Variants in GRIK4 observed in about 807,000 individuals in gnomAD.
GRIK4 encodes the protein glutamate ionotropic receptor kainate type subunit 4.
In GRIK4, 40 loss-of-function variants were observed where a neutral mutation model predicts 104.9. The observed-to-expected ratio is 0.38, with a 90% CI of 0.30 to 0.50. The LOEUF is 0.50. Ranked by LOEUF, GRIK4 falls within the 20% of genes least tolerant of loss-of-function variation. The pLI, the probability that GRIK4 is intolerant of heterozygous loss-of-function variation, is 0.93. For missense variants in GRIK4, 1,047 were observed against 1,308.1 expected (o/e 0.80, Z 3.08); for synonymous variants, 485 against 524.9 (o/e 0.92, Z 1.04).
At chr11:120,944,598 C>A (rs1943811634) in intron 14 of GRIK4, among the ~76,000 whole-genome samples, 1 of 152,180 alleles carries the variant, frequency 6.6e-6, no homozygotes, top group African/African-American at 2.4e-5. Context: ...ACTGGGTATC[C>A]CCACTTGTGC....
Position 120,700,161 on chromosome 11 carries a change from CTTAT to C in GRIK4, c.82+39765_82+39768del, listed in dbSNP as rs765390070. 5.9e-4 allele frequency among the ~76,000 whole-genome samples: 89 copies of C among 151,900 alleles called. 1 individual carries two copies. The highest frequency in any genetic ancestry group is 9.6e-4 in the Non-Finnish European group (65 of 67,996). The stretch of plus-strand genomic sequence containing the variant: ...GTGTGACAGGAGCTGCTAAAATCTA[CTTAT>C]TTAACAAAAACTCCTACTATAGTTA... On this transcript the variant is annotated intron_variant, in intron 3 of 20. Transcript: ENST00000527524.
At chr11:120,568,048 C>T (rs1011143894) in intron 1 of GRIK4, among the ~76,000 whole-genome samples, 1 of 152,102 alleles carries the variant, frequency 6.6e-6, no homozygotes, top group Non-Finnish European at 1.5e-5. Flanking sequence ...CATGGTGGTG[C>T]CTGCCTAAAA....
chr11:120,783,860 A>C (rs184162016), intron 3 of GRIK4, among the ~76,000 whole-genome samples: 10 of 152,304 alleles, frequency 6.6e-5, no homozygotes, highest in African/African-American at 2.4e-4. Context: ...AAAACGATGC[A>C]TAATATGGGT....
intron 1 of GRIK4, among the ~76,000 whole-genome samples, chr11:120,544,641 A>G (rs1948067859): frequency 6.6e-6 from 1 of 152,192 alleles, no homozygotes. Context: ...CAACCTGGAC[A>G]TTTCAGCACA....
intron 3 of GRIK4, among the ~76,000 whole-genome samples, chr11:120,719,969 A>G (rs980420162): frequency 7.9e-5 from 12 of 152,160 alleles, no homozygotes; most frequent in African/African-American, 2.9e-4. Context: ...CTAAAGATCA[A>G]TTCAAGAAAG....
At chr11:120,547,864 A>G (rs1948101108) in intron 1 of GRIK4, among the ~76,000 whole-genome samples, 1 of 152,206 alleles carries the variant, frequency 6.6e-6, no homozygotes, top group South Asian at 2.1e-4. Context: ...GAGCCCTGTT[A>G]GAGCTTTAAG....
At chr11:120,656,968 A>G (rs1463516948) in intron 2 of GRIK4, among the ~76,000 whole-genome samples, 1 of 152,184 alleles carries the variant, frequency 6.6e-6, no homozygotes. Context: ...AAATTTACAC[A>G]GGGTAATCTG....
intron 1 of GRIK4, among the ~76,000 whole-genome samples, chr11:120,571,589 A>G (rs934918759): frequency 3.3e-5 from 5 of 152,078 alleles, no homozygotes; most frequent in Admixed American, 6.5e-5. Context: ...CCCCCAAGCT[A>G]TGATTCTAAC....
intron 3 of GRIK4, among the ~76,000 whole-genome samples, chr11:120,751,873 G>A (rs1247704085): frequency 6.6e-6 from 1 of 152,122 alleles, no homozygotes; most frequent in Non-Finnish European, 1.5e-5. Context: ...GAAGGTTCCT[G>A]GATCTCCTTG....
At chr11:120,767,237 T>C (rs1218469859) in intron 3 of GRIK4, among the ~76,000 whole-genome samples, 5 of 152,206 alleles carry the variant, frequency 3.3e-5, no homozygotes, top group African/African-American at 1.2e-4. Context: ...TATTTGATAA[T>C]AGCCATTTTT....
intron 1 of GRIK4, among the ~76,000 whole-genome samples, chr11:120,514,812 C>T (rs1287344998): frequency 6.6e-6 from 1 of 152,186 alleles, no homozygotes. Flanking sequence ...GGCCTCAGCC[C>T]ACTCAGTTCT....
intron 3 of GRIK4, among the ~76,000 whole-genome samples, chr11:120,687,432 G>A (rs1052669110): frequency 5.9e-5 from 9 of 151,836 alleles, no homozygotes; most frequent in Non-Finnish European, 8.8e-5. Flanking sequence ...TCTATTTTTT[G>A]TATTTTCTTT....
chr11:120,587,713 A>G (rs999083421), intron 1 of GRIK4, among the ~76,000 whole-genome samples: 2 of 152,154 alleles, frequency 1.3e-5, no homozygotes, highest in Non-Finnish European at 2.9e-5. Context: ...GCCATGGCTC[A>G]GCCAGTGGTC....
chr11:120,942,611 C>A (rs1365046100), intron 14 of GRIK4, among the ~76,000 whole-genome samples: 1 of 152,184 alleles, frequency 6.6e-6, no homozygotes, highest in African/African-American at 2.4e-5. Flanking sequence ...ACCTAGGGCA[C>A]CACTGTCCTG....
At chr11:120,521,025 T>C (rs988147675) in intron 1 of GRIK4, among the ~76,000 whole-genome samples, 3 of 151,620 alleles carry the variant, frequency 2.0e-5, no homozygotes, top group Non-Finnish European at 4.4e-5. Context: ...AGGTGGGAGG[T>C]CAGCACAACT....
chr11:120,837,703 A>ACTG (rs1953610481), intron 8 of GRIK4, among the ~76,000 whole-genome samples: 1 of 151,376 alleles, frequency 6.6e-6, no homozygotes, highest in African/African-American at 2.4e-5. Flanking sequence ...TTAACCTAAC[A>ACTG]CTGCTGCTAT....
In GRIK4 at chr11:120,902,428, A is replaced by C. The variant is rs1942762194; in HGVS notation, c.1273-2862A>C. Among the ~76,000 whole-genome samples the C allele has an allele frequency of 6.6e-6, 1 of 152,260 alleles. No individual in the cohort carries two copies. The highest frequency in any genetic ancestry group is 2.1e-4 in the South Asian group (1 of 4,818). On this transcript the variant is annotated intron_variant, in intron 12 of 20. Transcript: ENST00000527524. The surrounding 1 kb of genome is among the most constrained non-coding windows in gnomAD (Gnocchi z 4.5). ...TCTGTTCACTTTGAATATGTCAATAAGTTTTAAATTAACTTGAGAGTAGTG... is the reference window on the plus strand; with the variant it reads ...TCTGTTCACTTTGAATATGTCAATACGTTTTAAATTAACTTGAGAGTAGTG...
At chr11:120,715,758 T>A (rs1483627447) in intron 3 of GRIK4, among the ~76,000 whole-genome samples, 1 of 152,208 alleles carries the variant, frequency 6.6e-6, no homozygotes, top group African/African-American at 2.4e-5. Flanking sequence ...CCACACCCGC[T>A]CCCTTTTGTG....
chr11:120,553,120 A>T (rs1445842059), intron 1 of GRIK4, among the ~76,000 whole-genome samples: 1 of 152,206 alleles, frequency 6.6e-6, no homozygotes, highest in Non-Finnish European at 1.5e-5. Context: ...GATAGAAAAG[A>T]TGCTGGATAT....
Sources: allele counts gnomAD v4.1 joint callset (sites outside exome capture counted in the v4.1 genomes callset), GRCh38; gene constraint gnomAD v4.1.1; non-coding constraint Gnocchi (gnomAD v3.1); transcripts MANE v1.5; gene names NCBI Gene and HGNC (gene_info 2026-07-23, HGNC 2026-07-21).